The following DOCK10 variants were observed in gnomAD, a reference collection of about 807,000 sequenced individuals.
DOCK10 encodes the protein dedicator of cytokinesis protein 10.
A neutral mutation model predicts 280.1 loss-of-function variants in DOCK10; 145 were observed. That is an observed-to-expected ratio of 0.52 (90% CI 0.45 to 0.59). The LOEUF (loss-of-function observed/expected upper bound fraction) is 0.59, where lower values mean the gene tolerates loss of function less well. Among genes scored for constraint, DOCK10 ranks in the 20% least tolerant of loss-of-function variants. The pLI, the probability that DOCK10 is intolerant of heterozygous loss-of-function variation, is 0.00. For synonymous variants in DOCK10, 915 were observed against 942.2 expected, an observed-to-expected ratio of 0.97 and a Z score of 0.53; for missense variants, 2,368 against 2,651.7, an observed-to-expected ratio of 0.89 and a Z score of 2.35.
At chr2:224,895,172 T>G (rs1268025814) in intron 4 of DOCK10, among the ~76,000 whole-genome samples, 3 of 152,248 alleles carry the variant, frequency 2.0e-5, no homozygotes, top group African/African-American at 7.2e-5. Context: ...TTCTTAAATC[T>G]AGTTCATAAT....
Position 224,816,641 on chromosome 2 carries a change from G to T in DOCK10, c.3340C>A (p.Pro1114Thr). The T allele has an allele frequency of 6.2e-7, 1 of 1,605,174 alleles. No individual in the cohort carries two copies. ...QHEHFIPLCL[P>T]IRSANIPDPL... ...CCTGGAATGTTTGCTGATCTTATGG[G>T]CAGACACAAAGGGATAAAGTGTTCA... The change falls in exon 30 of 56, where the codon CCC becomes ACC. Residue 1114 changes from proline to threonine, a missense_variant. Pro to Thr is a conservative substitution (Grantham distance 38). Around this residue, in one of 2 missense-constraint regions of DOCK10, gnomAD observed 1,159 missense variants for 1,400.8 expected, o/e 0.83. Transcript: ENST00000258390.
chr2:224,885,860 A>T, intron 6 of DOCK10, 55 bp from the exon 7 acceptor site: 1 of 1,574,314 alleles, frequency 6.4e-7, no homozygotes, highest in South Asian at 1.2e-5. Flanking sequence ...GCTATTACTC[A>T]TAGAAATTAG....
chr2:224,920,800 G>T (rs1284904942), intron 2 of DOCK10, among the ~76,000 whole-genome samples: 1 of 151,792 alleles, frequency 6.6e-6, no homozygotes, highest in Non-Finnish European at 1.5e-5. Context: ...GTCTGATGGA[G>T]AGTAGAGTAA....
At chr2:224,852,903 A>G (rs942993401) in intron 17 of DOCK10, 32 bp downstream of exon 17, 36 of 1,514,384 alleles carry the variant, frequency 2.4e-5, no homozygotes, top group Non-Finnish European at 3.2e-5. Context: ...CGGTGAAAAG[A>G]AAAGATGATA....
chr2:224,827,217 C>A (rs1489111045), intron 27 of DOCK10, among the ~76,000 whole-genome samples: 1 of 142,512 alleles, frequency 7.0e-6, no homozygotes, highest in Non-Finnish European at 1.5e-5. Context: ...GAGCCGAGAT[C>A]GTGCCACTGC....
chr2:224,811,887 A>G (rs1374506902), intron 31 of DOCK10, among the ~76,000 whole-genome samples: 1 of 151,998 alleles, frequency 6.6e-6, no homozygotes. Flanking sequence ...TGGTTACTGT[A>G]GCCTTGTAGT....
At chr2:224,920,568 C>T (rs13419400) in intron 2 of DOCK10, among the ~76,000 whole-genome samples, 32 of 148,448 alleles carry the variant, frequency 2.2e-4, no homozygotes, top group African/African-American at 8.0e-4. Flanking sequence ...GTTTCCTATT[C>T]GGATGGATAA....
chr2:224,936,141 A>C (rs1263512634), intron 1 of DOCK10, among the ~76,000 whole-genome samples: 1 of 152,176 alleles, frequency 6.6e-6, no homozygotes, highest in African/African-American at 2.4e-5. Context: ...TGAAACTAGG[A>C]TAAGGGTTGG....
At chr2:225,000,181 T>A (rs980547011) in intron 1 of DOCK10, among the ~76,000 whole-genome samples, 4 of 150,004 alleles carry the variant, frequency 2.7e-5, no homozygotes, top group African/African-American at 7.4e-5. Context: ...AGCATTGGGA[T>A]CACTCAAGTC....
intron 1 of DOCK10, among the ~76,000 whole-genome samples, chr2:225,019,178 A>G (rs12473197): frequency 0.22 from 33,307 of 151,836 alleles, 3,806 homozygotes; most frequent in African/African-American, 0.22. Context: ...ATCATCTAGC[A>G]TTTGGTCCTC....
chr2:224,938,499 C>T (rs903703618), intron 1 of DOCK10, among the ~76,000 whole-genome samples: 4 of 152,132 alleles, frequency 2.6e-5, no homozygotes, highest in African/African-American at 9.7e-5. Flanking sequence ...CTCACAGTGA[C>T]GATTCATGGG....
At chr2:224,779,609 G>T (rs1432375603) in intron 50 of DOCK10, among the ~76,000 whole-genome samples, 1 of 152,094 alleles carries the variant, frequency 6.6e-6, no homozygotes, top group African/African-American at 2.4e-5. Context: ...AATCAGTTTT[G>T]ACTATTTAAA....
At chr2:224,889,931 C>T (rs112352929) in intron 4 of DOCK10, among the ~76,000 whole-genome samples, 3 of 152,146 alleles carry the variant, frequency 2.0e-5, no homozygotes, top group Non-Finnish European at 4.4e-5. Flanking sequence ...AGCAATTGCT[C>T]CAGGTACCCT....
At chr2:224,938,896 C>G (rs1006599171) in intron 1 of DOCK10, among the ~76,000 whole-genome samples, 2 of 152,164 alleles carry the variant, frequency 1.3e-5, no homozygotes, top group Admixed American at 1.3e-4. Context: ...GCTACTTTTT[C>G]CTACCAAAAA....
intron 25 of DOCK10, among the ~76,000 whole-genome samples, chr2:224,837,064 G>A (rs1410577722): frequency 6.6e-6 from 1 of 152,182 alleles, no homozygotes; most frequent in African/African-American, 2.4e-5. Flanking sequence ...GTATTATAAA[G>A]TAATTTAAGA....
chr2:224,950,236 A>G (rs1453154319), intron 1 of DOCK10, among the ~76,000 whole-genome samples: 3 of 152,254 alleles, frequency 2.0e-5, no homozygotes, highest in African/African-American at 7.2e-5. Context: ...GGCAACAGAA[A>G]CATAACCATA....
chr2:225,040,102 G>A (rs1430248915), intron 1 of DOCK10, among the ~76,000 whole-genome samples: 1 of 152,106 alleles, frequency 6.6e-6, no homozygotes, highest in Non-Finnish European at 1.5e-5. Context: ...TTGCATCAAT[G>A]TACGCTAAGA....
intron 40 of DOCK10, among the ~76,000 whole-genome samples, chr2:224,801,471 A>C (rs1418159436): frequency 1.3e-5 from 2 of 152,078 alleles, no homozygotes; most frequent in East Asian, 3.9e-4. Flanking sequence ...AGAAGAGAAA[A>C]GGTCAGAGTT....
At chr2:224,974,761 C>A (rs184480852) in intron 1 of DOCK10, among the ~76,000 whole-genome samples, 1 of 99,374 alleles carries the variant, frequency 1.0e-5, no homozygotes, top group East Asian at 2.4e-4. Flanking sequence ...CCCCAAAACA[C>A]GTACATCCAC....
Sources: allele counts gnomAD v4.1 joint callset (sites outside exome capture counted in the v4.1 genomes callset), GRCh38; gene constraint gnomAD v4.1.1; regional missense constraint gnomAD v4.1.1; transcripts MANE v1.5; gene names NCBI Gene and HGNC (gene_info 2026-07-23, HGNC 2026-07-21).